C12orf42: variants seen among roughly 807,000 people sequenced by gnomAD.
C12orf42 encodes the protein uncharacterized protein C12orf42.
In C12orf42, 25 loss-of-function variants were observed where a neutral mutation model predicts 21.6. The observed-to-expected ratio is 1.16, with a 90% CI of 0.84 to 1.62. The LOEUF (loss-of-function observed/expected upper bound fraction) is 1.62. Ranked by LOEUF, C12orf42 falls within the 40% of genes most tolerant of loss-of-function variation. C12orf42 has a pLI of 0.00. For missense variants in C12orf42, 483 were observed against 459.3 expected (o/e 1.05, Z -0.47); for synonymous variants, 174 against 175.0 (o/e 0.99, Z 0.05).
the C12orf42 span, among the ~76,000 whole-genome samples, chr12:103,140,414 T>TA: frequency 6.6e-6 from 1 of 152,196 alleles, no homozygotes; most frequent in Non-Finnish European, 1.5e-5. Context: ...GATTGGCTCT[T>TA]ACGCTCTTTG....
rs1422433089 is a variant in C12orf42, at chr12:103,479,882, T to G, written c.-21-1435A>C. ...TTTATTTTGTTTTCTTCTTCAATGA[T>G]CACAAGTGAAATTGCCTTTTTCCAC... On this transcript the variant is annotated intron_variant, in intron 1 of 5. Coordinates refer to ENST00000548883, the MANE Select transcript of C12orf42 (RefSeq NM_198521.5). 3.3e-5 allele frequency among the ~76,000 whole-genome samples: 5 copies of G among 150,832 alleles called. No homozygotes were observed. The East Asian group carries it at 9.6e-4, about 29-fold the overall frequency.
At chr12:103,444,116 C>A (rs944895551) in intron 2 of C12orf42, among the ~76,000 whole-genome samples, 1 of 151,780 alleles carries the variant, frequency 6.6e-6, no homozygotes, top group Non-Finnish European at 1.5e-5. Flanking sequence ...CTGTTTGTTA[C>A]CCATTTTAAT....
At chr12:103,254,978 ATTC>A (rs1339467390) in intron 10 of C12orf42, among the ~76,000 whole-genome samples, 26 of 152,198 alleles carry the variant, frequency 1.7e-4, no homozygotes, top group African/African-American at 5.6e-4. Flanking sequence ...AAAAATATGT[ATTC>A]TGTAAGTGTT....
the C12orf42 span, among the ~76,000 whole-genome samples, chr12:103,150,084 T>A: frequency 2.0e-5 from 3 of 152,198 alleles, no homozygotes; most frequent in Non-Finnish European, 4.4e-5. Context: ...TTTTGCAGGA[T>A]GAATTGTTAA....
the C12orf42 span, among the ~76,000 whole-genome samples, chr12:103,538,641 AC>A: frequency 6.6e-6 from 1 of 152,252 alleles, no homozygotes; most frequent in Non-Finnish European, 1.5e-5. Flanking sequence ...GGGTGATTCA[AC>A]TACTGAGATC....
At chr12:103,305,624 G>A (rs1198445807) in intron 5 of C12orf42, among the ~76,000 whole-genome samples, 1 of 152,120 alleles carries the variant, frequency 6.6e-6, no homozygotes, top group African/African-American at 2.4e-5. Flanking sequence ...TGATCTGCCT[G>A]AATATTATAT....
chr12:103,059,336 T>G, the C12orf42 span, among the ~76,000 whole-genome samples: 2 of 152,170 alleles, frequency 1.3e-5, no homozygotes, highest in Non-Finnish European at 2.9e-5. Context: ...CAGTAATTAA[T>G]AGTCTACCAA....
rs533964065 is a variant in C12orf42, at chr12:103,385,697, A to G, written c.147+15910T>C. On this transcript the variant is annotated intron_variant, in intron 3 of 5. Coordinates refer to ENST00000548883, the MANE Select transcript of C12orf42 (RefSeq NM_198521.5). ...CCACAATTCTAAATTTCACTTGCCC[A>G]ATCAGATTTATATCTTAAAAATAAA... Among the ~76,000 whole-genome samples, 7 of 152,332 alleles carry G rather than the reference A, an allele frequency of 4.6e-5. No homozygotes were observed. The South Asian group carries it at 1.4e-3, about 32-fold the overall frequency.
chr12:103,400,122 G>A (rs1351635125), intron 3 of C12orf42, among the ~76,000 whole-genome samples: 2 of 152,112 alleles, frequency 1.3e-5, no homozygotes, highest in Non-Finnish European at 2.9e-5. Context: ...AAGAGAGAGA[G>A]AAGAAAGAGA....
chr12:103,424,525 G>A (rs958414477), intron 2 of C12orf42, among the ~76,000 whole-genome samples: 2 of 152,218 alleles, frequency 1.3e-5, no homozygotes, highest in African/African-American at 2.4e-5. Context: ...CACAGAGGGC[G>A]AGTGGAAGCA....
chr12:103,543,900 T>G, the C12orf42 span, among the ~76,000 whole-genome samples: 2 of 144,234 alleles, frequency 1.4e-5, no homozygotes, highest in African/African-American at 5.1e-5. Flanking sequence ...TGTTTTGTTT[T>G]TTGTTTTTTT....
the C12orf42 span, among the ~76,000 whole-genome samples, chr12:103,084,815 G>T: frequency 2.3e-4 from 35 of 152,262 alleles, no homozygotes; most frequent in Middle Eastern, 3.4e-3. Context: ...TTTACTAGGG[G>T]CTAAGTTTTA....
chr12:103,550,666 TTA>T, the C12orf42 span: 7 of 152,168 alleles, frequency 4.6e-5, no homozygotes, highest in African/African-American at 1.7e-4. Context: ...GCCCAAAATT[TTA>T]TAGTTGAAAA....
chr12:103,241,912 A>G (rs1420269477), intron 10 of C12orf42, among the ~76,000 whole-genome samples: 1 of 152,162 alleles, frequency 6.6e-6, no homozygotes, highest in Non-Finnish European at 1.5e-5. Context: ...AAATAAATGT[A>G]TAGGCACTAA....
chr12:103,500,354 A>G (rs1389107672), upstream of C12orf42, among the ~76,000 whole-genome samples: 1 of 152,236 alleles, frequency 6.6e-6, no homozygotes, highest in African/African-American at 2.4e-5. Context: ...ACACTTTCTC[A>G]AATGTAAGCA....
chr12:103,374,844 C>T (rs1184544690), intron 3 of C12orf42, among the ~76,000 whole-genome samples: 2 of 152,214 alleles, frequency 1.3e-5, no homozygotes, highest in East Asian at 3.8e-4. Context: ...GACAAGCTTT[C>T]TCTAGATAAA....
intron 4 of C12orf42, among the ~76,000 whole-genome samples, chr12:103,329,193 C>A (rs761891370): frequency 1.9e-4 from 29 of 152,162 alleles, no homozygotes; most frequent in Non-Finnish European, 3.7e-4. Context: ...GGAGGTGGCA[C>A]ATAACCCATC....
chr12:103,232,524 C>T, the C12orf42 span, among the ~76,000 whole-genome samples: 2 of 152,130 alleles, frequency 1.3e-5, no homozygotes, highest in South Asian at 4.2e-4. Flanking sequence ...CTGGCTAACA[C>T]ACGGTGAAAT....
chr12:103,389,561 C>T (rs1484076038), intron 3 of C12orf42, among the ~76,000 whole-genome samples: 1 of 152,138 alleles, frequency 6.6e-6, no homozygotes, highest in Non-Finnish European at 1.5e-5. Context: ...CCTTGATTGT[C>T]CAAGGACTTG....
Sources: gnomAD v4.1 joint callset for allele counts (sites outside exome capture counted in the v4.1 genomes callset) on GRCh38, gnomAD v4.1.1 for gene constraint, MANE v1.5 for transcripts, NCBI Gene and HGNC (gene_info 2026-07-23, HGNC 2026-07-21) for gene names.